Variants in RADIL observed in about 807,000 individuals in gnomAD.
RADIL encodes the protein ras-associating and dilute domain-containing protein.
RADIL carries 99 observed loss-of-function variants against 97.6 expected under a neutral mutation model. That is an observed-to-expected ratio of 1.01 (90% CI 0.86 to 1.20). The LOEUF is 1.20. RADIL is among the 50% of genes most tolerant of loss of function. The pLI is 0.00. For synonymous variants in RADIL, 803 were observed against 691.8 expected (o/e 1.16, Z -2.52); for missense variants, 1,765 against 1,498.9 (o/e 1.18, Z -2.93).
intron 2 of RADIL, among the ~76,000 whole-genome samples, chr7:4,869,319 A>C (rs913533501): frequency 6.6e-6 from 1 of 152,082 alleles, no homozygotes; most frequent in Non-Finnish European, 1.5e-5. Context: ...TTTTCTGTAG[A>C]GACAGAGTCT....
At chr7:4,870,973 C>T (rs571589024) in intron 2 of RADIL, among the ~76,000 whole-genome samples, 10 of 152,296 alleles carry the variant, frequency 6.6e-5, no homozygotes, top group Admixed American at 4.6e-4. Context: ...TAAGTGTAAG[C>T]AGTAAACTGA....
Position 4,813,250 on chromosome 7 carries a change from A to T in RADIL, c.2139+2028T>A, listed in dbSNP as rs1782594589. On this transcript the variant is annotated intron_variant, in intron 9 of 14. Transcript: ENST00000399583. This position sits in a 1 kb window ranked among gnomAD's most constrained non-coding sequence, Gnocchi z 5.0. ...TACCTCAACCTCCCAAGTAGCTGGC[A>T]CTACAGGCGTTTGCCCCATGCCTGC... Among the ~76,000 whole-genome samples the T allele has an allele frequency of 6.6e-6, 1 of 152,104 alleles. No individual in the cohort carries two copies. Among genetic ancestry groups the T allele is most frequent in the African/African-American group, 2.4e-5 (1 of 41,402 alleles).
Position 4,860,778 on chromosome 7 carries a change from CCT to C in RADIL, c.535+16825_535+16826del, listed in dbSNP as rs750390379. ...AAAATCTCGTGTGTGATAGCAAGCC[CCT>C]GTTTAAACTCCTCAATCATGACCAT... On this transcript the variant is annotated intron_variant, in intron 2 of 14. Coordinates refer to ENST00000399583, the MANE Select transcript of RADIL (RefSeq NM_018059.5). 12 of 1,613,968 alleles carry C rather than the reference CCT, an allele frequency of 7.4e-6. No individual in the cohort carries two copies. In the East Asian group the frequency reaches 1.1e-4, roughly 15 times the overall value.
intron 4 of RADIL, among the ~76,000 whole-genome samples, chr7:4,832,873 C>T (rs955114339): frequency 2.0e-5 from 3 of 152,028 alleles, no homozygotes; most frequent in African/African-American, 7.3e-5. Flanking sequence ...GACGGGGCAG[C>T]GGCGACACAG....
At chr7:4,860,664 A>G (rs1239313921) in intron 2 of RADIL, 1 of 1,614,182 alleles carries the variant, frequency 6.2e-7, no homozygotes, top group African/African-American at 1.3e-5. Flanking sequence ...TTTTCTGTTG[A>G]TGCACTTGCC....
At position 4,872,039 on chromosome 7, in the gene RADIL, C is replaced by T. The variant is rs961492080; in HGVS notation, c.535+5566G>A. Among the ~76,000 whole-genome samples the T allele has an allele frequency of 6.6e-6, 1 of 152,188 alleles. No homozygotes were observed. Among genetic ancestry groups the T allele is most frequent in the African/African-American group, 2.4e-5 (1 of 41,448 alleles). ...CACCATCCCTGAGACCCTGGGTTTG[C>T]CAGGCACCCAGCCCCTCCGAGAGTG... On this transcript the variant is annotated intron_variant, in intron 2 of 14. Transcript: ENST00000399583. This position sits in a 1 kb window ranked among gnomAD's most constrained non-coding sequence, Gnocchi z 5.8.
At position 4,801,988 on chromosome 7, in the gene RADIL, T is replaced by A; in HGVS notation, c.2507A>T (p.His836Leu). 6.5e-7 allele frequency: 1 copy of A among 1,528,244 alleles called. No individual in the cohort carries two copies. The highest frequency in any genetic ancestry group is 1.3e-5 in the South Asian group (1 of 77,878). The allele number at this position is 1,528,244 out of a possible 1,614,324, so 94.7% of individuals were successfully genotyped here. A position where few individuals can be genotyped will look rare whatever the true frequency, so the allele number is the denominator to read the frequency against. Reference protein sequence around the residue: ...ASQPVCPEGMHHVVLDGHLEA... With the variant: ...ASQPVCPEGMLHVVLDGHLEA... ...CAGGTGCCCGTCAAGGACCACGTGG[T>A]GCATACCCTAGGGAGAGGAAGGGTG... Residue 836 changes from histidine to leucine, a missense_variant, in exon 12 of 15, where the codon CAC becomes CTC. By Grantham distance (99) the His-to-Leu change is moderately conservative (BLOSUM62 -3). Transcript: ENST00000399583.
At position 4,801,945 on chromosome 7, in the gene RADIL, G is replaced by C. The variant is rs770411760; in HGVS notation, c.2550C>G (p.Pro850=). 8 of 1,558,808 alleles carry C rather than the reference G, an allele frequency of 5.1e-6. No homozygotes were observed. Among genetic ancestry groups the C allele is most frequent in the Non-Finnish European group, 6.9e-6 (8 of 1,156,100 alleles). The change falls in exon 12 of 15, where the codon CCC becomes CCG. Residue 850 remains proline (P), a synonymous_variant. Transcript: ENST00000399583. The part of the protein sequence containing the change: ...LDGHLEAPSC[P]LAPRDPGPAA... ...CTGGGCCAGGGTCCCTGGGAGCCAG[G>C]GGGCAGCTCGGGGCCTCCAGGTGCC... is the stretch of plus-strand genomic sequence containing the variant.
intron 2 of RADIL, among the ~76,000 whole-genome samples, chr7:4,865,223 T>C (rs1274104272): frequency 6.6e-6 from 1 of 152,248 alleles, no homozygotes; most frequent in Non-Finnish European, 1.5e-5. Flanking sequence ...AATGAGCACA[T>C]GTGCTTCTTT....
At chr7:4,832,078 G>C in intron 5 of RADIL, 63 bp downstream of exon 5, 2 of 1,567,140 alleles carry the variant, frequency 1.3e-6, no homozygotes, top group South Asian at 2.3e-5. Flanking sequence ...TGGCTCCCCC[G>C]GGAAGTGTGA....
rs1294952962 is a variant in RADIL, at chr7:4,819,067, TCTCTC to T, written c.1616-1721_1616-1717del. On this transcript the variant is annotated intron_variant, in intron 6 of 14. Transcript: ENST00000399583. The surrounding 1 kb of genome is among the most constrained non-coding windows in gnomAD (Gnocchi z 5.8). ...CTGAGACTCCATTTCTCTCTCTCTC[TCTCTC>T]TTTTTTTTTTTTTTTTAAAGACAGA... is the stretch of plus-strand genomic sequence containing the variant. Among the ~76,000 whole-genome samples, 4 of 136,754 alleles carry T rather than the reference TCTCTC, an allele frequency of 2.9e-5. No homozygotes were observed. The highest frequency in any genetic ancestry group is 6.2e-5 in the Non-Finnish European group (4 of 64,696). The allele number at this position is 136,754 out of a possible 152,430, so 89.7% of individuals were successfully genotyped here. A position where few individuals can be genotyped will look rare whatever the true frequency, so the allele number is the denominator to read the frequency against.
chr7:4,825,303 A>T (rs1347867946), intron 5 of RADIL, among the ~76,000 whole-genome samples: 1 of 152,120 alleles, frequency 6.6e-6, no homozygotes, highest in Non-Finnish European at 1.5e-5. Context: ...CTGCGGGTGG[A>T]GGGAAGCACT....
Position 4,800,157 on chromosome 7 carries a change from C to G in RADIL, c.2982+14G>C. ...GCCAGTATGGGGGTGCGGCGAGGGT[C>G]CTGGGCCACTCACCATCCCGTCGAT... On this transcript the variant is annotated intron_variant, in intron 13 of 14. Transcript: ENST00000399583. The G allele has an allele frequency of 6.2e-7, 1 of 1,602,632 alleles. No individual in the cohort carries two copies. Among genetic ancestry groups the G allele is most frequent in the African/African-American group, 1.3e-5 (1 of 74,776 alleles).
rs557202899 is a variant in RADIL at position 4,879,368 on chromosome 7, C to G, written c.-64-1165G>C. 2.0e-5 allele frequency among the ~76,000 whole-genome samples: 3 copies of G among 152,168 alleles called. No homozygotes were observed. Among genetic ancestry groups the G allele is most frequent in the African/African-American group, 7.2e-5 (3 of 41,430 alleles). ...GCAGAGAAAAAGGAAGGCAGGTCTC[C>G]GATTTGGAAAAGGTGAGGCTGGACT... On this transcript the variant is annotated intron_variant, in intron 1 of 14. Transcript: ENST00000399583. This position sits in a 1 kb window ranked among gnomAD's most constrained non-coding sequence, Gnocchi z 4.1.
intron 2 of RADIL, among the ~76,000 whole-genome samples, chr7:4,845,199 C>T (rs1428300992): frequency 6.6e-6 from 1 of 152,276 alleles, no homozygotes; most frequent in South Asian, 2.1e-4. Context: ...GCGGGAGGAT[C>T]ACTTGAAGCC....
At position 4,872,358 on chromosome 7, in the gene RADIL, G is replaced by A. The variant is rs924172346; in HGVS notation, c.535+5247C>T. 3.9e-5 allele frequency among the ~76,000 whole-genome samples: 6 copies of A among 152,224 alleles called. No homozygotes were observed. The highest frequency in any genetic ancestry group is 5.9e-5 in the Non-Finnish European group (4 of 68,030). On this transcript the variant is annotated intron_variant, in intron 2 of 14. Transcript: ENST00000399583. This position sits in a 1 kb window ranked among gnomAD's most constrained non-coding sequence, Gnocchi z 5.8. ...AAGATGCCCCAACCTAAAATGTAAC[G>A]GGAGGAAGGGAGAAAGCAAGGAAGG...
intron 2 of RADIL, chr7:4,861,804 G>GGTTGT: frequency 6.9e-7 from 1 of 1,452,420 alleles, no homozygotes; most frequent in South Asian, 1.6e-5. Context: ...ACCGGAAACG[G>GGTTGT]CATCATCTTT....
rs1784346198 is a variant in RADIL at position 4,875,193 on chromosome 7, AACAACAAC to A, written c.535+2404_535+2411del. On this transcript the variant is annotated intron_variant, in intron 2 of 14. Transcript: ENST00000399583. The stretch of plus-strand genomic sequence containing the variant: ...GGCGACAGAGCGAGACTCCATCTCC[AACAACAAC>A]AACAACAACAACAACAACAACAACA... Among the ~76,000 whole-genome samples, 111 of 13,498 alleles carry A rather than the reference AACAACAAC, an allele frequency of 8.2e-3. 3 individuals are homozygous for A. The highest frequency in any genetic ancestry group is 0.013 in the African/African-American group (97 of 7,410). The allele number at this position is 13,498 out of a possible 152,430, so 8.9% of individuals were successfully genotyped here. A position where few individuals can be genotyped will look rare whatever the true frequency, so the allele number is the denominator to read the frequency against.
At chr7:4,836,237 G>C in intron 3 of RADIL, 121 bp downstream of exon 3, 1 of 1,421,644 alleles carries the variant, frequency 7.0e-7, no homozygotes, top group Non-Finnish European at 9.5e-7. Flanking sequence ...CAGCCAGAGG[G>C]GCTGCAGCCA....
Sources: gnomAD v4.1 joint callset for allele counts (sites outside exome capture counted in the v4.1 genomes callset) on GRCh38, gnomAD v4.1.1 for gene constraint, Gnocchi (gnomAD v3.1) non-coding constraint, MANE v1.5 for transcripts, NCBI Gene and HGNC (gene_info 2026-07-23, HGNC 2026-07-21) for gene names.